Variants in NAT10 observed in about 807,000 individuals in gnomAD.
NAT10 encodes the protein RNA cytidine acetyltransferase.
Under a neutral mutation model 132.2 loss-of-function variants are expected in NAT10, and 109 were observed. The ratio of observed to expected loss-of-function variants is 0.82; its 90% confidence interval spans 0.71 to 0.97. The LOEUF (loss-of-function observed/expected upper bound fraction) is 0.97, where lower values mean the gene tolerates loss of function less well. Among genes scored for constraint, NAT10 ranks in the 50% least tolerant of loss-of-function variants. NAT10 has a pLI of 0.00. For synonymous variants in NAT10, 479 were observed against 478.0 expected (o/e 1.00, Z -0.03); for missense variants, 1,184 against 1,263.4 (o/e 0.94, Z 0.95).
intron 12 of NAT10, among the ~76,000 whole-genome samples, chr11:34,129,111 G>T (rs992749042): frequency 2.6e-5 from 4 of 152,058 alleles, no homozygotes; most frequent in Non-Finnish European, 5.9e-5. Flanking sequence ...GAACATTAGC[G>T]TGCAGATTTT....
intron 9 of NAT10, 135 bp from the exon 10 acceptor site, chr11:34,123,627 C>G: frequency 3.2e-6 from 2 of 617,126 alleles, no homozygotes. Flanking sequence ...CAAAAGGTGT[C>G]CTGACTTTTT....
chr11:34,138,621 G>A (rs1027608676), intron 21 of NAT10, among the ~76,000 whole-genome samples: 11 of 152,110 alleles, frequency 7.2e-5, no homozygotes, highest in South Asian at 2.1e-4. Context: ...CGGTGTGTCC[G>A]TGTGGTCTTG....
chr11:34,134,023 G>T (rs570471045), intron 16 of NAT10, among the ~76,000 whole-genome samples: 20 of 152,140 alleles, frequency 1.3e-4, no homozygotes, highest in South Asian at 8.3e-4. Context: ...AATAAGCCGG[G>T]TGTGGTGGTA....
At position 34,112,166 on chromosome 11, in the gene NAT10, C is replaced by T; in HGVS notation, c.315C>T (p.Cys105=). ...TAGCAGCCACAAACATTCGCTACTG[C>T]TACTACAACGAGACCCACAAGATCC... is the stretch of plus-strand genomic sequence containing the variant. The part of the protein sequence containing the change: ...LFIAATNIRY[C]YYNETHKILG... The change falls in exon 4 of 29, where the codon TGC becomes TGT. Residue 105 remains cysteine, a synonymous_variant. Transcript: ENST00000257829. The T allele has an allele frequency of 6.2e-7, 1 of 1,614,242 alleles. No individual in the cohort carries two copies. The highest frequency in any genetic ancestry group is 8.5e-7 in the Non-Finnish European group (1 of 1,180,046).
intron 14 of NAT10, 105 bp from the exon 15 acceptor site, chr11:34,132,020 A>G: frequency 1.2e-6 from 1 of 833,196 alleles, no homozygotes; most frequent in Non-Finnish European, 2.1e-6. Context: ...TGCTTAGGAC[A>G]CTGAGCTCCT....
chr11:34,129,174 T>C lies in NAT10; in HGVS notation c.1244+1575T>C, dbSNP rs114828255. 2.3e-3 allele frequency among the ~76,000 whole-genome samples: 356 copies of C among 152,350 alleles called. 2 individuals carry two copies. Among genetic ancestry groups the C allele is most frequent in the African/African-American group, 8.2e-3 (340 of 41,580 alleles). On this transcript the variant is annotated intron_variant, in intron 12 of 28. Transcript: ENST00000257829. ...AGGGATACACCTAGGAGTGAAACTA[T>C]TGGGCTAACTCTATGTTAGACCATG...
At chr11:34,141,284 A>G in intron 25 of NAT10, 76 bp downstream of exon 25, 3 of 1,595,684 alleles carry the variant, frequency 1.9e-6, no homozygotes, top group Admixed American at 1.7e-5. Flanking sequence ...CCCGAGATGA[A>G]CACATGTTAG....
intron 14 of NAT10, 24 bp from the exon 15 acceptor site, chr11:34,132,101 T>A: frequency 6.4e-7 from 1 of 1,564,510 alleles, no homozygotes; most frequent in South Asian, 1.1e-5. Context: ...TTGTTTTGTT[T>A]TGGTTTCTTA....
intron 21 of NAT10, among the ~76,000 whole-genome samples, chr11:34,137,685 A>C (rs966197691): frequency 1.3e-5 from 2 of 152,224 alleles, no homozygotes; most frequent in Admixed American, 1.3e-4. Flanking sequence ...TGTTGAGTGA[A>C]TGAAAAATAT....
At chr11:34,123,029 G>GT (rs927008366) in intron 9 of NAT10, among the ~76,000 whole-genome samples, 19 of 152,254 alleles carry the variant, frequency 1.2e-4, no homozygotes, top group African/African-American at 4.1e-4. Context: ...GTTAGTTTCT[G>GT]TTTTTTTCTA....
chr11:34,118,895 C>G (rs993205363), intron 8 of NAT10, among the ~76,000 whole-genome samples: 1 of 152,176 alleles, frequency 6.6e-6, no homozygotes, highest in African/African-American at 2.4e-5. Flanking sequence ...CAGGCATGAT[C>G]CACTACATCT....
At chr11:34,122,125 G>A (rs1376171364) in intron 8 of NAT10, among the ~76,000 whole-genome samples, 2 of 152,062 alleles carry the variant, frequency 1.3e-5, no homozygotes, top group Admixed American at 6.5e-5. Flanking sequence ...GCAGTGAGCC[G>A]AGATCGCACC....
At chr11:34,139,340 G>A (rs776535619) in intron 22 of NAT10, 45 bp from the exon 23 acceptor site, 399 of 1,609,790 alleles carry the variant, frequency 2.5e-4, no homozygotes, top group Non-Finnish European at 3.2e-4. Context: ...GGGGGCTGCC[G>A]GGGATGCCTC....
intron 8 of NAT10, among the ~76,000 whole-genome samples, chr11:34,119,622 TA>T (rs1355641620): frequency 6.6e-6 from 1 of 152,076 alleles, no homozygotes; most frequent in Non-Finnish European, 1.5e-5. Flanking sequence ...AAAGAGTACA[TA>T]AAAAAATAAG....
intron 21 of NAT10, among the ~76,000 whole-genome samples, chr11:34,137,858 G>T (rs138262607): frequency 6.6e-6 from 1 of 152,192 alleles, no homozygotes; most frequent in East Asian, 1.9e-4. Context: ...GGGAATGGGA[G>T]TCAGCCCTGT....
chr11:34,139,893 G>A (rs1852289089), intron 23 of NAT10, among the ~76,000 whole-genome samples: 1 of 152,110 alleles, frequency 6.6e-6, no homozygotes. Flanking sequence ...CATACAGATT[G>A]TTTGAATACT....
In NAT10 at chr11:34,134,897, A is replaced by C. The variant is rs186545124; in HGVS notation, c.1912-278A>C. 2.4e-3 allele frequency among the ~76,000 whole-genome samples: 373 copies of C among 152,308 alleles called. 4 individuals are homozygous for C. The highest frequency in any genetic ancestry group is 8.7e-3 in the African/African-American group (363 of 41,572). On this transcript the variant is annotated intron_variant, in intron 18 of 28. Coordinates refer to ENST00000257829, the MANE Select transcript of NAT10 (RefSeq NM_024662.3). ...GGCAATGGTACAGAAACTGCCTCTC[A>C]TTTGGGCTTGCCCATCTGGAGACCA...
intron 19 of NAT10, 145 bp from the exon 20 acceptor site, chr11:34,136,497 C>T: frequency 1.1e-6 from 1 of 874,310 alleles, no homozygotes; most frequent in Non-Finnish European, 1.8e-6. Flanking sequence ...CCGGTGTTCT[C>T]ATAGTTTGAA....
In NAT10 at chr11:34,134,603, C is replaced by G. The variant is rs566570465; in HGVS notation, c.1911+17C>G. Reference sequence around the variant, plus strand: ...TATCAAGGGGTAATGTGTCCTCAGGCTCCCCTGAAGCCGTGTTGCTGGCGG... The same window carrying G: ...TATCAAGGGGTAATGTGTCCTCAGGGTCCCCTGAAGCCGTGTTGCTGGCGG... On this transcript the variant is annotated intron_variant, in intron 18 of 28. Transcript: ENST00000257829. The G allele has an allele frequency of 6.2e-7, 1 of 1,613,404 alleles. No individual in the cohort carries two copies. Among genetic ancestry groups the G allele is most frequent in the African/African-American group, 1.3e-5 (1 of 75,002 alleles).
Sources: allele counts gnomAD v4.1 joint callset (sites outside exome capture counted in the v4.1 genomes callset), GRCh38; gene constraint gnomAD v4.1.1; transcripts MANE v1.5; gene names NCBI Gene and HGNC (gene_info 2026-07-23, HGNC 2026-07-21).